BRF1: variants seen among roughly 807,000 people sequenced by gnomAD.
The protein encoded by BRF1 is BRF1 general transcription factor IIIB subunit.
BRF1 carries 59 observed loss-of-function variants against 81.7 expected under a neutral mutation model. The ratio of observed to expected loss-of-function variants is 0.72; its 90% CI spans 0.59 to 0.90. The LOEUF (loss-of-function observed/expected upper bound fraction) is 0.90, where lower values mean the gene tolerates loss of function less well. BRF1 is among the 40% of genes least tolerant of loss of function. BRF1 has a pLI of 0.00. For missense variants in BRF1, 1,050 were observed against 936.3 expected, an observed-to-expected ratio of 1.12 and a Z score of -1.58; for synonymous variants, 491 against 395.6, an observed-to-expected ratio of 1.24 and a Z score of -2.86.
In BRF1 at chr14:105,271,604, G is replaced by C. The variant is rs1306836235; in HGVS notation, c.439+1117C>G. 6.6e-6 allele frequency among the ~76,000 whole-genome samples: 1 copy of C among 152,236 alleles called. No individual in the cohort carries two copies. Among genetic ancestry groups the C allele is most frequent in the Non-Finnish European group, 1.5e-5 (1 of 68,040 alleles). On this transcript the variant is annotated intron_variant, in intron 3 of 17. Transcript: ENST00000547530. The surrounding 1 kb of genome is among the most constrained non-coding windows in gnomAD (Gnocchi z 5.5). ...TGGACCAGGAAGCGGGGAGTCCCCA[G>C]AGAGCAGGGAAAAGATGCAGGTGCA...
intron 10 of BRF1, among the ~76,000 whole-genome samples, chr14:105,224,610 G>A (rs1377275674): frequency 6.6e-6 from 1 of 152,200 alleles, no homozygotes; most frequent in Non-Finnish European, 1.5e-5. Flanking sequence ...ATACAGTGGT[G>A]CAATCATAGC....
At chr14:105,288,426 T>C (rs1325506709) in intron 1 of BRF1, among the ~76,000 whole-genome samples, 2 of 151,398 alleles carry the variant, frequency 1.3e-5, no homozygotes, top group Non-Finnish European at 2.9e-5. Flanking sequence ...CACTCCAGCC[T>C]GGGTGACAGA....
chr14:105,294,302 T>C (rs749898078), intron 1 of BRF1, among the ~76,000 whole-genome samples: 1 of 152,194 alleles, frequency 6.6e-6, no homozygotes, highest in Non-Finnish European at 1.5e-5. Context: ...CAGAGGCGTC[T>C]TGGGGCCACC....
intron 11 of BRF1, among the ~76,000 whole-genome samples, chr14:105,220,730 G>A (rs1177249516): frequency 6.6e-6 from 1 of 152,206 alleles, no homozygotes; most frequent in Non-Finnish European, 1.5e-5. Context: ...CCACGCCATA[G>A]CTGCCTGCCC....
rs1409906379 is a variant in BRF1, at chr14:105,308,454, C to T, written c.-162+6868G>A. On this transcript the variant is annotated intron_variant, in intron 1 of 17. Transcript: ENST00000327359. ...CTGAGATGGCACCATTGTACTCCAG[C>T]CTGGGCACGACAGAGGCAGATTCTG... 2.2e-4 allele frequency among the ~76,000 whole-genome samples: 33 copies of T among 150,796 alleles called. 1 individual carries two copies. Among genetic ancestry groups the T allele is most frequent in the Admixed American group, 1.5e-3 (23 of 15,176 alleles).
Position 105,251,987 on chromosome 14 carries a change from A to T in BRF1, c.544+520T>A, listed in dbSNP as rs1406769904. 2.0e-5 allele frequency among the ~76,000 whole-genome samples: 3 copies of T among 152,258 alleles called. No individual in the cohort carries two copies. The East Asian group carries it at 5.8e-4, about 29-fold the overall frequency. On this transcript the variant is annotated intron_variant, in intron 5 of 17. Transcript: ENST00000547530. The stretch of plus-strand genomic sequence containing the variant: ...AGAACAAAAGTGGCAGAAAAACCAC[A>T]AAAGAGGGCTGTGGCTGGAAAGCAC...
At chr14:105,266,171 T>C (rs2056406874) in intron 3 of BRF1, among the ~76,000 whole-genome samples, 1 of 151,942 alleles carries the variant, frequency 6.6e-6, no homozygotes, top group Admixed American at 6.6e-5. Context: ...ACAGGCCAGA[T>C]ACAATAGCTC....
At position 105,228,899 on chromosome 14, in the gene BRF1, C is replaced by A; in HGVS notation, c.709G>T (p.Ala237Ser). 6.2e-7 allele frequency: 1 copy of A among 1,613,702 alleles called. No homozygotes were observed. The highest frequency in any genetic ancestry group is 8.5e-7 in the Non-Finnish European group (1 of 1,180,008). ...GTCCTCCTGAAGTCATGCATTCTGG[C>A]TGCAACCAGGAGCGCTGGAAGGCAA... Reference protein sequence around the residue: ...GLCGAALLVAARMHDFRRTVK... With the variant: ...GLCGAALLVASRMHDFRRTVK... The change falls in exon 7 of 18, where the codon GCC becomes TCC. Residue 237 changes from alanine (A) to serine (S), a missense_variant. Physicochemically the swap from Ala to Ser is moderately conservative, Grantham distance 99. This residue lies in a region of BRF1 where 1,043 missense variants were observed against 915.4 expected (regional missense o/e 1.14). Transcript: ENST00000547530.
chr14:105,215,536 C>T (rs1890993001), intron 15 of BRF1, among the ~76,000 whole-genome samples: 1 of 151,600 alleles, frequency 6.6e-6, no homozygotes. Flanking sequence ...GCACTGCATG[C>T]ACAGACACAG....
intron 2 of BRF1, among the ~76,000 whole-genome samples, chr14:105,285,313 G>T (rs909110964): frequency 6.6e-6 from 1 of 152,260 alleles, no homozygotes; most frequent in Non-Finnish European, 1.5e-5. Context: ...CACCAGGACT[G>T]TCATGCAGTC....
chr14:105,260,312 G>A (rs1358486691), intron 3 of BRF1, among the ~76,000 whole-genome samples: 1 of 152,154 alleles, frequency 6.6e-6, no homozygotes, highest in Non-Finnish European at 1.5e-5. Flanking sequence ...TAGCTTTGGG[G>A]AGCGGACCAC....
chr14:105,304,443 G>A (rs1010568040), upstream of BRF1, among the ~76,000 whole-genome samples: 1 of 152,096 alleles, frequency 6.6e-6, no homozygotes, highest in Admixed American at 6.6e-5. Context: ...AGGCGAGATG[G>A]CGTCATTGCA....
intron 1 of BRF1, among the ~76,000 whole-genome samples, chr14:105,295,537 G>C (rs1220969850): frequency 3.3e-5 from 5 of 151,938 alleles, no homozygotes; most frequent in Non-Finnish European, 7.4e-5. Flanking sequence ...GAGCCCAGGG[G>C]GTTACGACTG....
chr14:105,248,588 G>C (rs1483167286), intron 5 of BRF1: 9 of 601,630 alleles, frequency 1.5e-5, no homozygotes, highest in African/African-American at 2.1e-5. Context: ...CGGGCGGGCG[G>C]GACGGCGCCC....
intron 1 of BRF1, among the ~76,000 whole-genome samples, chr14:105,307,703 A>G (rs1194888069): frequency 6.6e-6 from 1 of 152,174 alleles, no homozygotes; most frequent in African/African-American, 2.4e-5. Context: ...AAGTGCTTCA[A>G]TCTCTCTAGG....
chr14:105,294,353 T>C (rs757988344), intron 1 of BRF1, among the ~76,000 whole-genome samples: 4 of 152,134 alleles, frequency 2.6e-5, no homozygotes, highest in Non-Finnish European at 5.9e-5. Context: ...AGCACCCGGG[T>C]GACAGACTTC....
At chr14:105,211,501 C>T (rs1890108074) in intron 16 of BRF1, 1 of 562,304 alleles carries the variant, frequency 1.8e-6, no homozygotes, top group Non-Finnish European at 3.1e-6. Context: ...CAAGATCCCA[C>T]CCTCAGGCCT....
At chr14:105,247,273 G>A (rs2140260090) in intron 5 of BRF1, 2 of 985,430 alleles carry the variant, frequency 2.0e-6, no homozygotes, top group Non-Finnish European at 2.4e-6. Context: ...TGGCCGTGCG[G>A]AGTTACGCAC....
At chr14:105,211,007 G>T (rs894819386) in intron 17 of BRF1, 115 bp downstream of exon 17, 9 of 1,489,988 alleles carry the variant, frequency 6.0e-6, no homozygotes, top group Non-Finnish European at 8.1e-6. Flanking sequence ...TTTCTTTCCA[G>T]GGAGAAACAG....
Sources: gnomAD v4.1 joint callset for allele counts (sites outside exome capture counted in the v4.1 genomes callset) on GRCh38, gnomAD v4.1.1 for gene constraint, gnomAD v4.1.1 regional missense constraint, Gnocchi (gnomAD v3.1) non-coding constraint, MANE v1.5 for transcripts, NCBI Gene and HGNC (gene_info 2026-07-23, HGNC 2026-07-21) for gene names.